LLGL2: variants seen among roughly 807,000 people sequenced by gnomAD.
LLGL2 encodes the protein LLGL scribble cell polarity complex component 2, also known as LLGL2, scribble cell polarity complex component.
A neutral mutation model predicts 123.2 loss-of-function variants in LLGL2; 81 were observed. That is an observed-to-expected ratio of 0.66 (90% CI 0.55 to 0.79). The LOEUF (loss-of-function observed/expected upper bound fraction) is 0.79. LLGL2 is among the 30% of genes least tolerant of loss of function. The pLI is 0.00. For synonymous variants in LLGL2, 577 were observed against 594.1 expected (o/e 0.97, Z 0.42); for missense variants, 1,273 against 1,414.6 (o/e 0.90, Z 1.61).
intron 1 of LLGL2, chr17:75,533,719 C>G (rs1428494108): frequency 6.6e-6 from 1 of 152,186 alleles, no homozygotes; most frequent in East Asian, 1.9e-4. Flanking sequence ...AGAAGCCTGA[C>G]TGACAGAAAG....
Position 75,573,620 on chromosome 17 carries a change from G to A in LLGL2, c.2865G>A (p.Pro955=), listed in dbSNP as rs112393371. Residue 955 remains proline (P), a synonymous_variant, in exon 21 of 26, where the codon CCG becomes CCA. Coordinates refer to ENST00000392550, the MANE Select transcript of LLGL2 (RefSeq NM_001031803.2). Reference sequence around the variant, plus strand: ...ACGGTGCGGGCCCCAAGAAGGCCCCGAGCCGAGCCAGGTGAGTGAAAGGGC... The same window carrying A: ...ACGGTGCGGGCCCCAAGAAGGCCCCAAGCCGAGCCAGGTGAGTGAAAGGGC... ...PGNGAGPKKA[P]SRARNSGTQS... is the part of the protein sequence containing the mutation. The A allele has an allele frequency of 0.016, 25,736 of 1,608,452 alleles. 287 individuals are homozygous for A. The highest frequency in any genetic ancestry group is 0.018 in the Non-Finnish European group (21,181 of 1,178,152).
At chr17:75,557,264 G>T (rs1158829490) in intron 3 of LLGL2, among the ~76,000 whole-genome samples, 2 of 152,068 alleles carry the variant, frequency 1.3e-5, no homozygotes, top group Non-Finnish European at 2.9e-5. Flanking sequence ...AGATGGGGTG[G>T]CCTTGGGCCA....
At chr17:75,574,764 C>A in intron 25 of LLGL2, 96 bp downstream of exon 25, 1 of 1,586,516 alleles carries the variant, frequency 6.3e-7, no homozygotes, top group Non-Finnish European at 8.6e-7. Flanking sequence ...ACGGGGCTGA[C>A]ACGTGCCCTG....
rs556560094 is a variant in LLGL2 at position 75,553,366 on chromosome 17, G to C, written c.76-2680G>C. On this transcript the variant is annotated intron_variant, in intron 2 of 25. Coordinates refer to ENST00000392550, the MANE Select transcript of LLGL2 (RefSeq NM_001031803.2). ...TTGTCTCCAGGCATCCCCCAAAATA[G>C]GCACTTGTTGGAGCTCTCCTCCCTG... is the stretch of plus-strand genomic sequence containing the variant. Among the ~76,000 whole-genome samples, 38 of 152,302 alleles carry C rather than the reference G, an allele frequency of 2.5e-4. No homozygotes were observed. In the South Asian group the frequency reaches 6.0e-3, roughly 24 times the overall value.
intron 2 of LLGL2, among the ~76,000 whole-genome samples, chr17:75,547,928 T>C (rs983442293): frequency 4.0e-5 from 6 of 151,876 alleles, no homozygotes; most frequent in Non-Finnish European, 7.4e-5. Flanking sequence ...GCAGAGAAGG[T>C]CCTGGGTAAT....
At position 75,573,463 on chromosome 17, in the gene LLGL2, A is replaced by G. The variant is rs2055821571; in HGVS notation, c.2726-18A>G. 6.3e-7 allele frequency: 1 copy of G among 1,597,670 alleles called. No homozygotes were observed. The highest frequency in any genetic ancestry group is 2.3e-5 in the East Asian group (1 of 44,372). ...GCAGCCGCCAGGCCAGGCCGCTAGC[A>G]TTGCCCCCACTCCCCAGGCTTCTAC... On this transcript the variant is annotated intron_variant, in intron 20 of 25. Coordinates refer to ENST00000392550, the MANE Select transcript of LLGL2 (RefSeq NM_001031803.2).
intron 11 of LLGL2, 33 bp downstream of exon 11, chr17:75,568,726 A>G: frequency 6.2e-7 from 1 of 1,612,872 alleles, no homozygotes. Context: ...CCCCAGCCCC[A>G]CCGCAAGCCA....
intron 21 of LLGL2, 69 bp downstream of exon 21, chr17:75,573,700 C>A: frequency 8.1e-7 from 1 of 1,237,024 alleles, no homozygotes; most frequent in Non-Finnish European, 1.1e-6. Context: ...GATACCGAGG[C>A]TCCCACTGCT....
chr17:75,561,493 G>A (rs116513256), intron 6 of LLGL2, among the ~76,000 whole-genome samples: 3,912 of 152,084 alleles, frequency 0.026, 157 homozygotes, highest in African/African-American at 0.082. Flanking sequence ...TGGGCAAGGC[G>A]GCACACGTCT....
chr17:75,568,217 G>T, intron 10 of LLGL2: 1 of 1,403,460 alleles, frequency 7.1e-7, no homozygotes, highest in Non-Finnish European at 9.2e-7. Context: ...TGCCTATCCT[G>T]GTTGGGACCC....
chr17:75,529,602 C>T (rs994803419), intron 1 of LLGL2, among the ~76,000 whole-genome samples: 7 of 151,964 alleles, frequency 4.6e-5, no homozygotes, highest in Admixed American at 6.6e-5. Flanking sequence ...GTGTCTCACG[C>T]CTGTAATCCC....
intron 1 of LLGL2, among the ~76,000 whole-genome samples, chr17:75,530,679 C>T (rs993473964): frequency 6.7e-6 from 1 of 149,536 alleles, no homozygotes; most frequent in Non-Finnish European, 1.5e-5. Context: ...AGCTGGGCAT[C>T]GTGGTGTGCA....
At chr17:75,570,865 CGATGCAA>C (rs1461604396) in intron 16 of LLGL2, 78 bp from the exon 17 acceptor site, 2 of 1,475,162 alleles carry the variant, frequency 1.4e-6, no homozygotes, top group Non-Finnish European at 1.8e-6. Context: ...GCCTGCCTTC[CGATGCAA>C]GGATCAGCAC....
At chr17:75,539,532 C>T (rs2147163506) in intron 1 of LLGL2, among the ~76,000 whole-genome samples, 2 of 152,174 alleles carry the variant, frequency 1.3e-5, no homozygotes, top group African/African-American at 4.8e-5. Flanking sequence ...GAGTGAGCCA[C>T]CGTGCCCAGC....
In LLGL2 at chr17:75,571,968, C is replaced by A. The variant is rs1270589887; in HGVS notation, c.2364C>A (p.Pro788=). ...TGGTGCTCGACGGACACAGCGTACC[C>A]CTTCCCGAGCCCCTCGAAGTGGCCC... is the stretch of plus-strand genomic sequence containing the variant. ...GILVLDGHSV[P]LPEPLEVAHD... Residue 788 remains proline, a synonymous_variant, in exon 19 of 26, where the codon CCC becomes CCA. Coordinates refer to ENST00000392550, the MANE Select transcript of LLGL2 (RefSeq NM_001031803.2). The A allele has an allele frequency of 6.2e-7, 1 of 1,612,956 alleles. No individual in the cohort carries two copies. The highest frequency in any genetic ancestry group is 8.5e-7 in the Non-Finnish European group (1 of 1,180,012).
At chr17:75,562,807 T>G (rs1340407245) in intron 6 of LLGL2, 1 of 600,660 alleles carries the variant, frequency 1.7e-6, no homozygotes, top group Non-Finnish European at 2.9e-6. Flanking sequence ...TGACCTCAAG[T>G]GGCCTGCCCA....
intron 3 of LLGL2, among the ~76,000 whole-genome samples, chr17:75,557,004 G>A (rs993591309): frequency 1.5e-4 from 23 of 151,450 alleles, no homozygotes; most frequent in Admixed American, 2.6e-4. Context: ...ACTCCAGCCT[G>A]GGCAACAGAG....
chr17:75,562,251 A>G (rs1245446669), intron 6 of LLGL2: 1 of 152,182 alleles, frequency 6.6e-6, no homozygotes. Flanking sequence ...TTATGGGGCT[A>G]AAAAACTTCT....
chr17:75,568,981 C>T lies in LLGL2; in HGVS notation c.1326C>T (p.His442=), dbSNP rs572717266. Residue 442 remains histidine (H), a synonymous_variant, in exon 13 of 26, where the codon CAC becomes CAT. Coordinates refer to ENST00000392550, the MANE Select transcript of LLGL2 (RefSeq NM_001031803.2). The stretch of plus-strand genomic sequence containing the variant: ...GGCAGGTGGGTTCTGCCCACAGGCA[C>T]GAGGACGGCACGGTGCGGTTCTGGG... The part of the protein sequence containing the change: ...PPQRDLLLTG[H]EDGTVRFWDA... The T allele has an allele frequency of 9.3e-6, 15 of 1,611,160 alleles. No individual in the cohort carries two copies. In the South Asian group the frequency reaches 1.1e-4, roughly 12 times the overall value.
Sources: gnomAD v4.1 joint callset for allele counts (sites outside exome capture counted in the v4.1 genomes callset) on GRCh38, gnomAD v4.1.1 for gene constraint, MANE v1.5 for transcripts, NCBI Gene and HGNC (gene_info 2026-07-23, HGNC 2026-07-21) for gene names.